AGBL1: variants seen among roughly 807,000 people sequenced by gnomAD.
AGBL1 encodes cytosolic carboxypeptidase 4.
A neutral mutation model predicts 118.9 loss-of-function variants in AGBL1; 130 were observed. That is an observed-to-expected ratio of 1.09 (90% CI 0.95 to 1.26). The LOEUF (loss-of-function observed/expected upper bound fraction) is 1.26, where lower values mean the gene tolerates loss of function less well. Ranked by LOEUF, AGBL1 falls within the 50% of genes most tolerant of loss-of-function variation. The pLI, the probability that AGBL1 is intolerant of heterozygous loss-of-function variation, is 0.00. For missense variants in AGBL1, 1,584 were observed against 1,298.1 expected, an observed-to-expected ratio of 1.22 and a Z score of -3.38; for synonymous variants, 555 against 478.9, an observed-to-expected ratio of 1.16 and a Z score of -2.08.
chr15:86,766,655 C>A (rs56138805), intron 22 of AGBL1, among the ~76,000 whole-genome samples: 2 of 151,780 alleles, frequency 1.3e-5, no homozygotes, highest in Non-Finnish European at 2.9e-5. Context: ...TCCATTTATT[C>A]TTTTGTCATA....
At chr15:86,936,488 A>T (rs910219320) in intron 23 of AGBL1, among the ~76,000 whole-genome samples, 3 of 152,186 alleles carry the variant, frequency 2.0e-5, no homozygotes, top group Non-Finnish European at 2.9e-5. Context: ...AGGACATTCA[A>T]GATACGGGAA....
At chr15:86,304,408 A>C (rs76879754) in intron 17 of AGBL1, among the ~76,000 whole-genome samples, 1 of 152,150 alleles carries the variant, frequency 6.6e-6, no homozygotes, top group Non-Finnish European at 1.5e-5. Context: ...GGATCATGAT[A>C]TCTAATGTTG....
intron 18 of AGBL1, among the ~76,000 whole-genome samples, chr15:86,419,870 C>G (rs2142022054): frequency 6.6e-6 from 1 of 152,234 alleles, no homozygotes; most frequent in East Asian, 1.9e-4. Context: ...GGGCAGAGCC[C>G]CCTATAGCTC....
intron 21 of AGBL1, among the ~76,000 whole-genome samples, chr15:86,611,490 T>C (rs1454485038): frequency 6.6e-6 from 1 of 152,160 alleles, no homozygotes; most frequent in Non-Finnish European, 1.5e-5. Flanking sequence ...GCCTAGAATT[T>C]GAACTCAACC....
At position 86,944,047 on chromosome 15, in the gene AGBL1, G is replaced by A. The variant is rs113197955; in HGVS notation, c.3222-43940G>A. 1.1e-3 allele frequency among the ~76,000 whole-genome samples: 172 copies of A among 152,234 alleles called. 1 individual carries two copies. Among genetic ancestry groups the A allele is most frequent in the African/African-American group, 3.9e-3 (164 of 41,550 alleles). ...ATGCCTAAGATAAAATGAAATCTAA[G>A]ATAAGACCTGAAGGAAGAGTAAGAG... On this transcript the variant is annotated intron_variant, in intron 23 of 24. Coordinates refer to the AGBL1 transcript ENST00000441037.
At chr15:87,024,448 C>T (rs553842541) in intron 24 of AGBL1, among the ~76,000 whole-genome samples, 26 of 151,960 alleles carry the variant, frequency 1.7e-4, no homozygotes, top group Non-Finnish European at 3.5e-4. Flanking sequence ...ATACCCTAAA[C>T]AGACCAATAA....
intron 14 of AGBL1, among the ~76,000 whole-genome samples, chr15:86,271,096 G>C (rs1288611635): frequency 8.1e-6 from 1 of 124,104 alleles, no homozygotes; most frequent in African/African-American, 3.3e-5. Flanking sequence ...TGTCACCTAG[G>C]CTGGAGTGCA....
intron 22 of AGBL1, among the ~76,000 whole-genome samples, chr15:86,740,635 T>C (rs758609830): frequency 6.6e-6 from 1 of 152,174 alleles, no homozygotes; most frequent in Non-Finnish European, 1.5e-5. Context: ...TGTAGAAGAT[T>C]AGTAGACAGT....
chr15:86,968,537 C>A (rs1168889686), intron 23 of AGBL1, among the ~76,000 whole-genome samples: 1 of 151,838 alleles, frequency 6.6e-6, no homozygotes, highest in Non-Finnish European at 1.5e-5. Flanking sequence ...AATTAAGACT[C>A]TTGGAAGCAA....
intron 1 of AGBL1, among the ~76,000 whole-genome samples, chr15:86,126,268 T>G (rs116419676): frequency 1.8e-4 from 28 of 152,352 alleles, no homozygotes; most frequent in Middle Eastern, 3.4e-3. Context: ...CAGTTTCTAT[T>G]CAGCCTTATT....
intron 18 of AGBL1, among the ~76,000 whole-genome samples, chr15:86,408,166 T>G (rs1362114784): frequency 6.6e-6 from 1 of 152,166 alleles, no homozygotes; most frequent in Non-Finnish European, 1.5e-5. Context: ...AAAGCTTACA[T>G]GATCACAAGC....
intron 22 of AGBL1, among the ~76,000 whole-genome samples, chr15:86,788,417 T>A (rs74025488): frequency 1.6e-3 from 237 of 152,276 alleles, no homozygotes; most frequent in African/African-American, 5.3e-3. Context: ...AAAAGACTCA[T>A]CTCTAATGAA....
intron 17 of AGBL1, among the ~76,000 whole-genome samples, chr15:86,374,220 T>A (rs1469249863): frequency 1.3e-5 from 2 of 152,256 alleles, no homozygotes; most frequent in African/African-American, 4.8e-5. Context: ...AAATACTTAA[T>A]GGTATCCATT....
At chr15:86,134,845 C>T (rs1399802193) in intron 1 of AGBL1, among the ~76,000 whole-genome samples, 1 of 151,634 alleles carries the variant, frequency 6.6e-6, no homozygotes, top group African/African-American at 2.4e-5. Flanking sequence ...GATCTCCTGA[C>T]CTCATGATCT....
At chr15:86,527,496 C>G (rs2142210765) in intron 19 of AGBL1, among the ~76,000 whole-genome samples, 1 of 152,278 alleles carries the variant, frequency 6.6e-6, no homozygotes, top group East Asian at 1.9e-4. Context: ...CTAATGGGCT[C>G]AACATCACCT....
intron 22 of AGBL1, among the ~76,000 whole-genome samples, chr15:86,695,237 TG>T (rs1567126490): frequency 6.6e-6 from 1 of 152,086 alleles, no homozygotes; most frequent in Non-Finnish European, 1.5e-5. Context: ...ATTTTTTTGT[TG>T]GTAATTTTTT....
intron 23 of AGBL1, among the ~76,000 whole-genome samples, chr15:86,950,207 G>A (rs57185078): frequency 0.068 from 10,366 of 151,514 alleles, 466 homozygotes; most frequent in South Asian, 0.21. Flanking sequence ...TCAAAAAACA[G>A]TAACTTATGT....
At chr15:86,251,400 C>A (rs542930937) in intron 7 of AGBL1, among the ~76,000 whole-genome samples, 21 of 152,202 alleles carry the variant, frequency 1.4e-4, no homozygotes, top group African/African-American at 5.1e-4. Context: ...TCTGGTGGGG[C>A]CTGAGAATGT....
chr15:86,199,754 C>T (rs78995000), intron 5 of AGBL1, among the ~76,000 whole-genome samples: 1,867 of 152,244 alleles, frequency 0.012, 22 homozygotes, highest in East Asian at 0.059. Flanking sequence ...TTCTGGCCTC[C>T]ATAAAAGTTT....
Sources: allele counts gnomAD v4.1 joint callset (sites outside exome capture counted in the v4.1 genomes callset), GRCh38; gene constraint gnomAD v4.1.1; transcripts MANE v1.5; gene names NCBI Gene and HGNC (gene_info 2026-07-23, HGNC 2026-07-21).